The following SGSM3 variants were observed in gnomAD, a reference collection of about 807,000 sequenced individuals.
SGSM3 encodes RUN and SH3 containing 3.
SGSM3 carries 96 observed loss-of-function variants against 100.5 expected under a neutral mutation model. That is an observed-to-expected ratio of 0.96 (90% CI 0.81 to 1.13). The LOEUF is 1.13. Ranked by LOEUF, SGSM3 falls within the 50% of genes most tolerant of loss-of-function variation. The pLI, the probability that SGSM3 is intolerant of heterozygous loss-of-function variation, is 0.00. For missense variants in SGSM3, 1,001 were observed against 1,015.8 expected (o/e 0.99, Z 0.20); for synonymous variants, 483 against 422.8 (o/e 1.14, Z -1.75).
At chr22:40,382,242 T>C (rs144223250) in intron 1 of SGSM3, among the ~76,000 whole-genome samples, 21 of 152,328 alleles carry the variant, frequency 1.4e-4, no homozygotes, top group African/African-American at 3.8e-4. Context: ...GCACCAGTTC[T>C]TCCATTTATC....
intron 1 of SGSM3, among the ~76,000 whole-genome samples, chr22:40,397,454 C>A (rs2050188345): frequency 6.6e-6 from 1 of 152,058 alleles, no homozygotes; most frequent in African/African-American, 2.4e-5. Context: ...TCTCAGTGTT[C>A]CCACCATAGG....
Position 40,402,147 on chromosome 22 carries a change from G to T in SGSM3, c.99G>T (p.Glu33Asp). ...CCTCATCCTGATTCTAGAAGGAAGA[G>T]TCAGCAGAGCAACCAGAGTTCTACT... is the stretch of plus-strand genomic sequence containing the variant. The part of the protein sequence containing the change: ...EILAKYTQKE[E>D]SAEQPEFYYD... The change falls in exon 4 of 22, where the codon GAG becomes GAT. Residue 33 changes from glutamate (E) to aspartate (D), a missense_variant. Glu to Asp is a conservative substitution (Grantham distance 45). Transcript: ENST00000248929. The T allele has an allele frequency of 6.2e-7, 1 of 1,613,690 alleles. No individual in the cohort carries two copies. Among genetic ancestry groups the T allele is most frequent in the Non-Finnish European group, 8.5e-7 (1 of 1,179,566 alleles).
In SGSM3 at chr22:40,408,387, C is replaced by G; in HGVS notation, c.1740C>G (p.Ser580=). The G allele has an allele frequency of 6.2e-7, 1 of 1,613,500 alleles. No homozygotes were observed. The highest frequency in any genetic ancestry group is 8.5e-7 in the Non-Finnish European group (1 of 1,179,980). ...TCGAACATGGACTGAAGAAGCCATCCCTGCTTGGGGGCGCCTGCCACCCCT... is the reference window on the plus strand; with the variant it reads ...TCGAACATGGACTGAAGAAGCCATCGCTGCTTGGGGGCGCCTGCCACCCCT... ...ALFEHGLKKP[S]LLGGACHPWL... Residue 580 remains serine (S), a synonymous_variant, in exon 16 of 22, where the codon TCC becomes TCG. Transcript: ENST00000248929.
At chr22:40,372,687 T>TAATC (rs955754908) in intron 1 of SGSM3, 7 of 152,154 alleles carry the variant, frequency 4.6e-5, no homozygotes, top group African/African-American at 1.7e-4. Flanking sequence ...AGGGAGGAGA[T>TAATC]AATCATCTCT....
intron 1 of SGSM3, chr22:40,373,614 TG>T (rs1208341068): frequency 6.6e-6 from 1 of 152,186 alleles, no homozygotes; most frequent in Non-Finnish European, 1.5e-5. Context: ...TTGTGTTTTT[TG>T]TTTTTGTTTT....
At chr22:40,396,117 A>G (rs2050014219) in intron 1 of SGSM3, among the ~76,000 whole-genome samples, 1 of 151,980 alleles carries the variant, frequency 6.6e-6, no homozygotes, top group Non-Finnish European at 1.5e-5. Flanking sequence ...TTATTGTCTG[A>G]TTTTACCCCT....
Position 40,405,738 on chromosome 22 carries a change from C to T in SGSM3, c.708C>T (p.Tyr236=). Residue 236 remains tyrosine (Y), a synonymous_variant, in exon 8 of 22, where the codon TAC becomes TAT. Transcript: ENST00000248929. ...AIIEDLLPAS[Y]FSTTLLGVQT... ...TCGAGGACCTGCTCCCCGCCTCCTA[C>T]TTCAGCACCACCCTGCTGGGTGTCC... The T allele has an allele frequency of 6.2e-7, 1 of 1,613,870 alleles. No individual in the cohort carries two copies. Among genetic ancestry groups the T allele is most frequent in the Non-Finnish European group, 8.5e-7 (1 of 1,179,992 alleles).
chr22:40,393,794 C>T lies in SGSM3; in HGVS notation c.-111-6902C>T, dbSNP rs947611785. 3.3e-5 allele frequency among the ~76,000 whole-genome samples: 5 copies of T among 152,216 alleles called. 1 individual carries two copies. The South Asian group carries it at 8.3e-4, about 25-fold the overall frequency. Reference sequence around the variant, plus strand: ...GAAGGGCAAGAGAGCCAACTCCTTCCGTCAAGCCCCTTTAGGAGGGGACCT... The same window carrying T: ...GAAGGGCAAGAGAGCCAACTCCTTCTGTCAAGCCCCTTTAGGAGGGGACCT... On this transcript the variant is annotated intron_variant, in intron 1 of 21. Coordinates refer to ENST00000248929, the MANE Select transcript of SGSM3 (RefSeq NM_015705.6).
intron 1 of SGSM3, among the ~76,000 whole-genome samples, chr22:40,400,409 C>T (rs1448809088): frequency 2.6e-5 from 4 of 152,028 alleles, no homozygotes; most frequent in Non-Finnish European, 4.4e-5. Flanking sequence ...TTTGGGAGGC[C>T]GAGGCCGGCG....
intron 1 of SGSM3, chr22:40,373,630 T>C (rs968859301): frequency 6.6e-6 from 1 of 152,270 alleles, no homozygotes; most frequent in Non-Finnish European, 1.5e-5. Context: ...TGTTTTTGTT[T>C]TTTTGAGACA....
intron 1 of SGSM3, among the ~76,000 whole-genome samples, chr22:40,373,988 G>A (rs922676368): frequency 8.1e-5 from 12 of 148,914 alleles, no homozygotes; most frequent in East Asian, 2.0e-4. Context: ...TCCCTCTGTC[G>A]CCCAGGCTTG....
intron 4 of SGSM3, 129 bp downstream of exon 4, chr22:40,402,334 A>T: frequency 1.4e-6 from 1 of 732,086 alleles, no homozygotes; most frequent in Admixed American, 2.0e-5. Flanking sequence ...TTAAGGACAG[A>T]GTGTATCTGA....
chr22:40,408,211 G>A (rs2051926888), intron 15 of SGSM3, 66 bp from the exon 16 acceptor site: 7 of 1,607,200 alleles, frequency 4.4e-6, no homozygotes, highest in Non-Finnish European at 4.3e-6. Context: ...ATGGCAGAGA[G>A]GACAGAGGAG....
At chr22:40,385,451 GAA>G (rs2048262072) in intron 1 of SGSM3, among the ~76,000 whole-genome samples, 1 of 152,160 alleles carries the variant, frequency 6.6e-6, no homozygotes. Flanking sequence ...ATGCACAAAG[GAA>G]AAGAGTATAA....
At chr22:40,377,686 A>C (rs1027595069) in intron 1 of SGSM3, among the ~76,000 whole-genome samples, 7 of 152,078 alleles carry the variant, frequency 4.6e-5, no homozygotes, top group African/African-American at 1.4e-4. Flanking sequence ...AAAAAACTTT[A>C]AAAATTATAA....
Position 40,405,656 on chromosome 22 carries a change from C to T in SGSM3, c.626C>T (p.Ala209Val). ...TCCCTGTGCCCTGGCCAGGTGGCCG[C>T]CTGCCTCCTGCTGTTCCTGGAGGAG... is the stretch of plus-strand genomic sequence containing the variant. ...GYCQGTGMVAACLLLFLEEED... is the reference protein window; with the variant it reads ...GYCQGTGMVAVCLLLFLEEED... The change falls in exon 8 of 22, where the codon GCC (alanine) becomes GTC (valine). Residue 209 changes from alanine (A) to valine (V), a missense_variant. Coordinates refer to ENST00000248929, the MANE Select transcript of SGSM3 (RefSeq NM_015705.6). The T allele has an allele frequency of 6.2e-7, 1 of 1,612,610 alleles. No homozygotes were observed. The highest frequency in any genetic ancestry group is 8.5e-7 in the Non-Finnish European group (1 of 1,179,262).
In SGSM3 at chr22:40,404,484, G is replaced by A. The variant is rs1465733148; in HGVS notation, c.366+29G>A. The A allele has an allele frequency of 3.7e-6, 6 of 1,609,940 alleles. No individual in the cohort carries two copies. The Admixed American group carries it at 1.0e-4, about 27-fold the overall frequency. On this transcript the variant is annotated intron_variant, in intron 5 of 21. Coordinates refer to ENST00000248929, the MANE Select transcript of SGSM3 (RefSeq NM_015705.6). ...AGGTGGCCACAGGGACCCACAGGGTGTTGAGAGGGTCCTGGCCCCATGATC... is the reference window on the plus strand; with the variant it reads ...AGGTGGCCACAGGGACCCACAGGGTATTGAGAGGGTCCTGGCCCCATGATC...
chr22:40,386,171 C>G (rs1309152414), intron 1 of SGSM3, among the ~76,000 whole-genome samples: 2 of 152,022 alleles, frequency 1.3e-5, no homozygotes, highest in African/African-American at 4.8e-5. Context: ...TGAGCCACCA[C>G]CTCTCCCAGC....
chr22:40,378,791 T>C (rs1325303877), intron 1 of SGSM3, among the ~76,000 whole-genome samples: 1 of 152,010 alleles, frequency 6.6e-6, no homozygotes, highest in East Asian at 1.9e-4. Context: ...AACTGTAAAG[T>C]TCTCTCCAAT....
Sources: gnomAD v4.1 joint callset for allele counts (sites outside exome capture counted in the v4.1 genomes callset) on GRCh38, gnomAD v4.1.1 for gene constraint, MANE v1.5 for transcripts, NCBI Gene and HGNC (gene_info 2026-07-23, HGNC 2026-07-21) for gene names.